Variants in PPFIA2 observed in about 807,000 individuals in gnomAD.
The protein encoded by PPFIA2 is PPFI scaffold protein A2.
A neutral mutation model predicts 175.5 loss-of-function variants in PPFIA2; 46 were observed. The ratio of observed to expected loss-of-function variants is 0.26; its 90% CI spans 0.21 to 0.34. PPFIA2 has a LOEUF of 0.34. PPFIA2 is among the 10% of genes least tolerant of loss of function. The probability of loss-of-function intolerance (pLI) is 1.00; values close to 1 mark genes in which losing one functional copy is unlikely to be tolerated. For missense variants in PPFIA2, 1,179 were observed against 1,506.1 expected, an observed-to-expected ratio of 0.78 and a Z score of 3.60; for synonymous variants, 568 against 511.4, an observed-to-expected ratio of 1.11 and a Z score of -1.49.
intron 4 of PPFIA2, among the ~76,000 whole-genome samples, chr12:81,464,216 C>G (rs978564545): frequency 2.0e-5 from 3 of 152,098 alleles, no homozygotes; most frequent in African/African-American, 7.2e-5. Flanking sequence ...AGCCACTGAG[C>G]CTTGCTGTTT....
chr12:81,402,595 T>C (rs1254239286), intron 8 of PPFIA2, among the ~76,000 whole-genome samples: 1 of 152,176 alleles, frequency 6.6e-6, no homozygotes, highest in African/African-American at 2.4e-5. Context: ...GGCTCACACC[T>C]GTAATTCCAG....
At chr12:81,732,033 A>T (rs1022044259) in intron 3 of PPFIA2, among the ~76,000 whole-genome samples, 5 of 151,622 alleles carry the variant, frequency 3.3e-5, no homozygotes, top group Non-Finnish European at 5.9e-5. Context: ...ATGATATGAG[A>T]AACACATGTG....
intron 4 of PPFIA2, among the ~76,000 whole-genome samples, chr12:81,550,503 C>G (rs755414879): frequency 2.0e-5 from 3 of 151,940 alleles, no homozygotes; most frequent in Non-Finnish European, 4.4e-5. Context: ...TTTTGAAGGT[C>G]TAAGTAAGAC....
At chr12:81,634,737 C>T (rs1447787512) in intron 4 of PPFIA2, among the ~76,000 whole-genome samples, 1 of 152,048 alleles carries the variant, frequency 6.6e-6, no homozygotes, top group Non-Finnish European at 1.5e-5. Flanking sequence ...AACCATTAAA[C>T]ATAATTCTGA....
chr12:81,544,109 G>GACCAATGTACCAT (rs1002225722), intron 4 of PPFIA2, among the ~76,000 whole-genome samples: 1 of 152,108 alleles, frequency 6.6e-6, no homozygotes, highest in Non-Finnish European at 1.5e-5. Context: ...CATTAGTTCT[G>GACCAATGTACCAT]ACCAATGTAC....
At chr12:81,556,515 T>C (rs1170814310) in intron 4 of PPFIA2, among the ~76,000 whole-genome samples, 1 of 151,934 alleles carries the variant, frequency 6.6e-6, no homozygotes, top group Admixed American at 6.6e-5. Context: ...TTGATAGGAC[T>C]TAATAGGCTA....
intron 4 of PPFIA2, among the ~76,000 whole-genome samples, chr12:81,594,831 T>C (rs1202483795): frequency 6.6e-6 from 1 of 152,122 alleles, no homozygotes; most frequent in Non-Finnish European, 1.5e-5. Context: ...GAGGATCGCT[T>C]GAGCCTGGGA....
At chr12:81,368,591 T>G in intron 13 of PPFIA2, 134 bp downstream of exon 13, 1 of 958,192 alleles carries the variant, frequency 1.0e-6, no homozygotes, top group Non-Finnish European at 1.5e-6. Context: ...ATGCATTCCT[T>G]TCTAAGAATA....
chr12:81,277,685 T>G (rs1427175383), intron 27 of PPFIA2, among the ~76,000 whole-genome samples: 1 of 152,330 alleles, frequency 6.6e-6, no homozygotes, highest in African/African-American at 2.4e-5. Context: ...TCTATGTGTC[T>G]TTGTCTTTCA....
chr12:81,574,238 C>T (rs1272763121), intron 4 of PPFIA2, among the ~76,000 whole-genome samples: 1 of 151,772 alleles, frequency 6.6e-6, no homozygotes, highest in African/African-American at 2.4e-5. Context: ...GTATTGCTTG[C>T]TAATATATTT....
intron 3 of PPFIA2, among the ~76,000 whole-genome samples, chr12:81,710,109 G>A (rs544420250): frequency 1.3e-5 from 2 of 151,794 alleles, no homozygotes; most frequent in East Asian, 3.9e-4. Flanking sequence ...CACATATTAA[G>A]ACTTTAATAT....
chr12:81,635,808 C>A (rs947186127), intron 4 of PPFIA2, among the ~76,000 whole-genome samples: 3 of 152,146 alleles, frequency 2.0e-5, no homozygotes, highest in African/African-American at 7.2e-5. Flanking sequence ...CTGCCGAAGT[C>A]ACAAACTCTC....
rs1035114768 is a variant in PPFIA2, at chr12:81,611,717, GT to G, written c.303+65073del. Among the ~76,000 whole-genome samples the G allele has an allele frequency of 9.2e-5, 14 of 152,242 alleles. No individual in the cohort carries two copies. In the South Asian group the frequency reaches 2.3e-3, roughly 25 times the overall value. The stretch of plus-strand genomic sequence containing the variant: ...AGCTGGGGCCAATGCCTCTGGGGGA[GT>G]GGGGAGGCGGGCCCAAGTGATGGGC... On this transcript the variant is annotated intron_variant, in intron 4 of 32. Coordinates refer to ENST00000549396, the MANE Select transcript of PPFIA2 (RefSeq NM_003625.5).
intron 8 of PPFIA2, among the ~76,000 whole-genome samples, chr12:81,392,461 T>C (rs537889973): frequency 2.2e-4 from 34 of 151,964 alleles, no homozygotes; most frequent in African/African-American, 7.9e-4. Context: ...CAAGCAGCTA[T>C]AACATTGGAT....
chr12:81,312,330 T>A lies in PPFIA2; in HGVS notation c.2643-12948A>T, dbSNP rs2051133280. The A allele has an allele frequency of 7.4e-6, 5 of 678,930 alleles. No homozygotes were observed. In the Admixed American group the frequency reaches 1.0e-4, roughly 14 times the overall value. 42.1% of individuals were successfully genotyped at this position (678,930 alleles called of 1,614,324 possible). A position where few individuals can be genotyped will look rare whatever the true frequency, so the allele number is the denominator to read the frequency against. On this transcript the variant is annotated intron_variant, in intron 22 of 32. Coordinates refer to ENST00000549396, the MANE Select transcript of PPFIA2 (RefSeq NM_003625.5). ...CATGGTGCCATTTTGTATTTCATCA[T>A]GACACACATACTCACTGCGTCGAAA...
chr12:81,570,915 C>T (rs2072425023), intron 4 of PPFIA2, among the ~76,000 whole-genome samples: 1 of 151,794 alleles, frequency 6.6e-6, no homozygotes, highest in South Asian at 2.1e-4. Context: ...AAAGTTTTGA[C>T]TGGCTAGATT....
At chr12:81,698,905 T>C (rs1198194307) in intron 3 of PPFIA2, among the ~76,000 whole-genome samples, 2 of 152,120 alleles carry the variant, frequency 1.3e-5, no homozygotes, top group Non-Finnish European at 2.9e-5. Context: ...TAACATTTGT[T>C]GTAATAAAAT....
chr12:81,682,200 T>C (rs2073764306), intron 3 of PPFIA2, among the ~76,000 whole-genome samples: 1 of 151,988 alleles, frequency 6.6e-6, no homozygotes, highest in Non-Finnish European at 1.5e-5. Context: ...ATATGACTGG[T>C]TGTCCTTATA....
chr12:81,438,059 A>C (rs1039025496), intron 7 of PPFIA2, among the ~76,000 whole-genome samples: 3 of 152,038 alleles, frequency 2.0e-5, no homozygotes, highest in Non-Finnish European at 4.4e-5. Flanking sequence ...CCTTTAATTC[A>C]CATAGAGTTT....
Sources: allele counts gnomAD v4.1 joint callset (sites outside exome capture counted in the v4.1 genomes callset), GRCh38; gene constraint gnomAD v4.1.1; transcripts MANE v1.5; gene names NCBI Gene and HGNC (gene_info 2026-07-23, HGNC 2026-07-21).